The following GAD2 variants were observed in gnomAD, a reference collection of about 807,000 sequenced individuals.
The protein encoded by GAD2 is 65 kDa glutamic acid decarboxylase.
GAD2 carries 22 observed loss-of-function variants against 80.1 expected under a neutral mutation model. The observed-to-expected ratio is 0.27, with a 90% CI of 0.20 to 0.39. The LOEUF is 0.39. GAD2 is among the 10% of genes least tolerant of loss of function. GAD2 has a pLI of 1.00. For missense variants in GAD2, 624 were observed against 738.4 expected (o/e 0.85, Z 1.80); for synonymous variants, 274 against 256.9 (o/e 1.07, Z -0.64).
chr10:26,278,045 A>G (rs552744143), intron 11 of GAD2, among the ~76,000 whole-genome samples: 1 of 152,252 alleles, frequency 6.6e-6, no homozygotes, highest in East Asian at 1.9e-4. Context: ...ATGTCATCGA[A>G]TCAATCTGCA....
chr10:26,284,095 A>G (rs1845302083), intron 12 of GAD2, among the ~76,000 whole-genome samples: 1 of 152,236 alleles, frequency 6.6e-6, no homozygotes, highest in African/African-American at 2.4e-5. Context: ...GAGGAGGAAT[A>G]GAGTAAACGA....
At position 26,219,110 on chromosome 10, in the gene GAD2, A is replaced by G. The variant is rs765898301; in HGVS notation, c.354A>G (p.Leu118=). 2.7e-5 allele frequency: 43 copies of G among 1,612,660 alleles called. No individual in the cohort carries two copies. The highest frequency in any genetic ancestry group is 3.5e-5 in the Non-Finnish European group (41 of 1,179,480). ...LAFLQDVMNI[L]LQYVVKSFDR... ...TTCTGCAAGATGTTATGAACATTTT[A>G]CTTCAGTATGTGGTGAAAAGTTTCG... Residue 118 remains leucine, a synonymous_variant, in exon 4 of 16, where the codon TTA becomes TTG. Coordinates refer to ENST00000376261, the MANE Select transcript of GAD2 (RefSeq NM_001134366.2).
chr10:26,240,633 G>T (rs1309815695), intron 7 of GAD2, among the ~76,000 whole-genome samples: 1 of 151,820 alleles, frequency 6.6e-6, no homozygotes, highest in Non-Finnish European at 1.5e-5. Flanking sequence ...TCAGGACGCT[G>T]AGCCAGGGGA....
chr10:26,284,759 T>C (rs1845312340), intron 12 of GAD2, among the ~76,000 whole-genome samples: 1 of 151,896 alleles, frequency 6.6e-6, no homozygotes, highest in Admixed American at 6.6e-5. Context: ...TTAGTAGAGA[T>C]GGGGTTTCAC....
At position 26,301,080 on chromosome 10, in the gene GAD2, G is replaced by A. The variant is rs538248586; in HGVS notation, c.*119G>A. 4.0e-5 allele frequency: 35 copies of A among 865,570 alleles called. No individual in the cohort carries two copies. In the South Asian group the frequency reaches 5.9e-4, roughly 15 times the overall value. The allele number at this position is 865,570 out of a possible 1,614,324, so 53.6% of individuals were successfully genotyped here. On this transcript the variant is annotated 3_prime_UTR_variant, in exon 16 of 16. Coordinates refer to ENST00000376261, the MANE Select transcript of GAD2 (RefSeq NM_001134366.2). ...TCTATTTCTATATTGTGGTGTCAAAGTAGAGTTTAAAAATTAAACAAAAAA... is the reference window on the plus strand; with the variant it reads ...TCTATTTCTATATTGTGGTGTCAAAATAGAGTTTAAAAATTAAACAAAAAA...
intron 15 of GAD2, 21 bp from the exon 16 acceptor site, chr10:26,300,767 C>A: frequency 6.2e-7 from 1 of 1,606,216 alleles, no homozygotes; most frequent in Non-Finnish European, 8.5e-7. Flanking sequence ...AGTCACCATG[C>A]TGATATGGTC....
intron 12 of GAD2, among the ~76,000 whole-genome samples, 179 bp from the exon 13 acceptor site, chr10:26,286,166 A>G (rs1245623453): frequency 2.6e-5 from 4 of 152,218 alleles, no homozygotes. Context: ...TGACCATTAC[A>G]ACAACCTAGA....
intron 4 of GAD2, among the ~76,000 whole-genome samples, chr10:26,220,541 G>T (rs1259289943): frequency 6.6e-6 from 1 of 152,130 alleles, no homozygotes; most frequent in Non-Finnish European, 1.5e-5. Context: ...AGGTGTATTA[G>T]ACATCATCCT....
intron 5 of GAD2, 49 bp downstream of exon 5, chr10:26,224,026 C>A: frequency 7.8e-7 from 1 of 1,286,888 alleles, no homozygotes; most frequent in Non-Finnish European, 1.1e-6. Context: ...TTATTAGTGA[C>A]ATTCCATAGT....
At chr10:26,257,832 G>A (rs57533435) in intron 8 of GAD2, among the ~76,000 whole-genome samples, 2,742 of 152,268 alleles carry the variant, frequency 0.018, 71 homozygotes, top group African/African-American at 0.061. Context: ...TGTTAAATTA[G>A]CTGAATTGTA....
At chr10:26,298,904 G>A (rs1834301378) in intron 15 of GAD2, among the ~76,000 whole-genome samples, 1 of 152,170 alleles carries the variant, frequency 6.6e-6, no homozygotes, top group African/African-American at 2.4e-5. Flanking sequence ...TCAGATTTGA[G>A]ATATTTTAAT....
At chr10:26,245,442 A>ATT (rs141717289) in intron 7 of GAD2, among the ~76,000 whole-genome samples, 26,418 of 147,648 alleles carry the variant, frequency 0.18, 2,473 homozygotes, top group East Asian at 0.3. Context: ...TTTTACCACA[A>ATT]TTTTTTTTTT....
intron 8 of GAD2, among the ~76,000 whole-genome samples, chr10:26,251,120 G>A (rs1373931311): frequency 7.6e-6 from 1 of 131,862 alleles, no homozygotes; most frequent in Non-Finnish European, 1.6e-5. Context: ...GGATGGTCTT[G>A]ATCTCCTGAT....
In GAD2 at chr10:26,217,753, TCGGGGTTTCCTGGCTG is replaced by T. The variant is rs2132267566; in HGVS notation, c.137-84_137-69del. 1 of 1,583,502 alleles carries T rather than the reference TCGGGGTTTCCTGGCTG, an allele frequency of 6.3e-7. No individual in the cohort carries two copies. Among genetic ancestry groups the T allele is most frequent in the East Asian group, 2.3e-5 (1 of 43,470 alleles). The stretch of plus-strand genomic sequence containing the variant: ...CACCTCCGCATCCCAGTCAGCGGAG[TCGGGGTTTCCTGGCTG>T]CGGGTAGGCGGGAGCGAGGGAGCCG... On this transcript the variant is annotated intron_variant, in intron 2 of 15. Transcript: ENST00000376261. The surrounding 1 kb of genome is among the most constrained non-coding windows in gnomAD (Gnocchi z 4.9).
At chr10:26,279,762 A>G (rs772566239) in intron 11 of GAD2, among the ~76,000 whole-genome samples, 12 of 152,186 alleles carry the variant, frequency 7.9e-5, no homozygotes, top group Admixed American at 2.0e-4. Flanking sequence ...GAGAGCATCA[A>G]ATTTCCCCAA....
intron 4 of GAD2, among the ~76,000 whole-genome samples, chr10:26,220,992 A>T (rs1216115616): frequency 6.6e-6 from 1 of 152,226 alleles, no homozygotes; most frequent in African/African-American, 2.4e-5. Flanking sequence ...TAAAAATGTG[A>T]TGGATTAAGT....
chr10:26,266,802 G>C (rs958849919), intron 8 of GAD2, among the ~76,000 whole-genome samples: 1 of 152,174 alleles, frequency 6.6e-6, no homozygotes, highest in African/African-American at 2.4e-5. Flanking sequence ...AGTCAGATGT[G>C]AGCTTAAAAT....
intron 8 of GAD2, among the ~76,000 whole-genome samples, chr10:26,256,814 G>A (rs1336523446): frequency 6.6e-6 from 1 of 152,156 alleles, no homozygotes; most frequent in Non-Finnish European, 1.5e-5. Context: ...TTTCTCCTTT[G>A]CAGTTAATAA....
At chr10:26,261,757 T>C (rs1326276548) in intron 8 of GAD2, among the ~76,000 whole-genome samples, 1 of 152,186 alleles carries the variant, frequency 6.6e-6, no homozygotes, top group Non-Finnish European at 1.5e-5. Context: ...GTTTCTTCTC[T>C]TCTCTTCCCA....
Sources: gnomAD v4.1 joint callset for allele counts (sites outside exome capture counted in the v4.1 genomes callset) on GRCh38, gnomAD v4.1.1 for gene constraint, Gnocchi (gnomAD v3.1) non-coding constraint, MANE v1.5 for transcripts, NCBI Gene and HGNC (gene_info 2026-07-23, HGNC 2026-07-21) for gene names.